Variants in DGKI observed in about 807,000 individuals in gnomAD.
DGKI encodes DAG kinase iota.
A neutral mutation model predicts 147.5 loss-of-function variants in DGKI; 55 were observed. The observed-to-expected ratio is 0.37, with a 90% CI of 0.30 to 0.47. DGKI has a LOEUF of 0.47. Ranked by LOEUF, DGKI falls within the 20% of genes least tolerant of loss-of-function variation. DGKI has a pLI of 1.00. For missense variants in DGKI, 1,007 were observed against 1,323.8 expected, an observed-to-expected ratio of 0.76 and a Z score of 3.71; for synonymous variants, 469 against 477.1, an observed-to-expected ratio of 0.98 and a Z score of 0.22.
chr7:137,838,168 A>G (rs1301934297), intron 1 of DGKI, among the ~76,000 whole-genome samples: 1 of 151,928 alleles, frequency 6.6e-6, no homozygotes, highest in Non-Finnish European at 1.5e-5. Context: ...ACACCCAGGT[A>G]ATTTTTCTTG....
rs1305399341 is a variant in DGKI at position 137,550,853 on chromosome 7, C to T, written c.2147+1516G>A. On this transcript the variant is annotated intron_variant, in intron 20 of 32. Coordinates refer to ENST00000614521, the MANE Select transcript of DGKI (RefSeq NM_001321708.2). ...AACAACATAGGCTATAGCACAGTTT[C>T]AGAGATGGTTTTTCACTTAGTAGTT... is the stretch of plus-strand genomic sequence containing the variant. Among the ~76,000 whole-genome samples the T allele has an allele frequency of 2.6e-5, 4 of 152,178 alleles. No homozygotes were observed. The East Asian group carries it at 7.7e-4, about 29-fold the overall frequency.
At chr7:137,433,435 T>C (rs1172281807) in intron 28 of DGKI, among the ~76,000 whole-genome samples, 1 of 152,072 alleles carries the variant, frequency 6.6e-6, no homozygotes, top group Non-Finnish European at 1.5e-5. Context: ...TAAAACAAGC[T>C]CTAGGTAGAG....
At chr7:137,461,784 C>A (rs1482018170) in intron 27 of DGKI, among the ~76,000 whole-genome samples, 1 of 152,068 alleles carries the variant, frequency 6.6e-6, no homozygotes, top group East Asian at 1.9e-4. Flanking sequence ...TACTCTAGGG[C>A]ATTTTAGAAC....
chr7:137,807,978 C>T (rs1472582089), intron 1 of DGKI, among the ~76,000 whole-genome samples: 3 of 152,298 alleles, frequency 2.0e-5, no homozygotes, highest in East Asian at 3.9e-4. Context: ...AGGCAACTCT[C>T]GTCTCTTGGG....
chr7:137,710,530 A>G (rs1042651134), intron 1 of DGKI, among the ~76,000 whole-genome samples: 6 of 152,110 alleles, frequency 3.9e-5, no homozygotes, highest in South Asian at 4.1e-4. Context: ...GAAAAGATAC[A>G]CTTTACAACA....
chr7:137,609,606 A>G lies in DGKI; in HGVS notation c.997T>C (p.Ser333Pro). The change falls in exon 9 of 33, where the codon TCC becomes CCC. Residue 333 changes from serine to proline, a missense_variant. By Grantham distance (74) the Ser-to-Pro change is moderately conservative (BLOSUM62 -1). Coordinates refer to ENST00000614521, the MANE Select transcript of DGKI (RefSeq NM_001321708.2). The stretch of plus-strand genomic sequence containing the variant: ...TTCTTCCGATTTGAAGCCTTCAGGG[A>G]GTTCTGTAGGGAGAGAGAGAAATGC... ...WIIKVKKPQN[S>P]LKASNRKKKR... The G allele has an allele frequency of 6.2e-7, 1 of 1,612,706 alleles. No individual in the cohort carries two copies. The highest frequency in any genetic ancestry group is 8.5e-7 in the Non-Finnish European group (1 of 1,179,028).
chr7:137,543,587 T>C (rs138619910), intron 20 of DGKI, among the ~76,000 whole-genome samples: 260 of 152,220 alleles, frequency 1.7e-3, no homozygotes, highest in African/African-American at 5.9e-3. Flanking sequence ...GAAGCAACAA[T>C]TGCTTCAAGA....
intron 12 of DGKI, among the ~76,000 whole-genome samples, chr7:137,593,649 G>A (rs1819691746): frequency 6.6e-6 from 1 of 152,180 alleles, no homozygotes; most frequent in Non-Finnish European, 1.5e-5. Flanking sequence ...TGTGCTGTAA[G>A]TATAAAATAT....
At chr7:137,436,134 C>G (rs1428477011) in intron 28 of DGKI, among the ~76,000 whole-genome samples, 1 of 152,046 alleles carries the variant, frequency 6.6e-6, no homozygotes, top group Non-Finnish European at 1.5e-5. Context: ...TAATTATCTT[C>G]CTACTTGTGA....
intron 1 of DGKI, among the ~76,000 whole-genome samples, chr7:137,703,198 T>C (rs1199188768): frequency 2.0e-5 from 3 of 152,280 alleles, no homozygotes; most frequent in East Asian, 3.9e-4. Flanking sequence ...TTTCTTCACA[T>C]AGCAGCAGGA....
At chr7:137,804,226 A>G (rs1429847694) in intron 1 of DGKI, among the ~76,000 whole-genome samples, 2 of 152,228 alleles carry the variant, frequency 1.3e-5, no homozygotes, top group Non-Finnish European at 2.9e-5. Flanking sequence ...TCTACTGGAT[A>G]TGTGAGCTTG....
chr7:137,539,058 C>G (rs1817606938), intron 20 of DGKI, among the ~76,000 whole-genome samples: 1 of 152,080 alleles, frequency 6.6e-6, no homozygotes, highest in Non-Finnish European at 1.5e-5. Context: ...CTTTTTTCCC[C>G]CCTCCATTTT....
chr7:137,585,453 T>C (rs1819359008), intron 13 of DGKI, 107 bp from the exon 14 acceptor site: 8 of 1,394,300 alleles, frequency 5.7e-6, no homozygotes, highest in Non-Finnish European at 6.7e-6. Context: ...TATTTTATAA[T>C]TAGCAAGGTT....
chr7:137,398,488 A>G (rs1328285703), intron 30 of DGKI, among the ~76,000 whole-genome samples: 2 of 152,188 alleles, frequency 1.3e-5, no homozygotes, highest in African/African-American at 4.8e-5. Flanking sequence ...TGCCAAACAC[A>G]GTTCAAGGTA....
At chr7:137,749,081 C>T (rs1487326135) in intron 1 of DGKI, among the ~76,000 whole-genome samples, 1 of 152,194 alleles carries the variant, frequency 6.6e-6, no homozygotes, top group African/African-American at 2.4e-5. Context: ...ATACTATTCA[C>T]AAGAGTGATC....
chr7:137,691,115 T>G (rs564355691), intron 1 of DGKI, among the ~76,000 whole-genome samples: 1 of 152,128 alleles, frequency 6.6e-6, no homozygotes, highest in East Asian at 1.9e-4. Context: ...CCTGAATCAG[T>G]TGGAGGGTGA....
chr7:137,718,445 C>A (rs1240038766), intron 1 of DGKI, among the ~76,000 whole-genome samples: 1 of 152,072 alleles, frequency 6.6e-6, no homozygotes, highest in Non-Finnish European at 1.5e-5. Flanking sequence ...GGAACCGCAG[C>A]CAGGGAGAAA....
intron 28 of DGKI, among the ~76,000 whole-genome samples, chr7:137,428,353 G>C (rs538874099): frequency 2.2e-4 from 33 of 152,148 alleles, no homozygotes; most frequent in African/African-American, 5.5e-4. Flanking sequence ...ATTCAACAAC[G>C]CTTCATGCTA....
chr7:137,711,152 C>CA (rs1794197274), intron 1 of DGKI, among the ~76,000 whole-genome samples: 1 of 152,034 alleles, frequency 6.6e-6, no homozygotes, highest in Non-Finnish European at 1.5e-5. Context: ...TACATACTGT[C>CA]ACAAGGAGGA....
Sources: gnomAD v4.1 joint callset for allele counts (sites outside exome capture counted in the v4.1 genomes callset) on GRCh38, gnomAD v4.1.1 for gene constraint, MANE v1.5 for transcripts, NCBI Gene and HGNC (gene_info 2026-07-23, HGNC 2026-07-21) for gene names.